The following ANK3 variants were observed in gnomAD, a reference collection of about 807,000 sequenced individuals.
ANK3 encodes ankyrin 3.
A neutral mutation model predicts 370.9 loss-of-function variants in ANK3; 57 were observed. The observed-to-expected ratio is 0.15, with a 90% confidence interval of 0.12 to 0.19. The LOEUF is 0.19. ANK3 is among the 10% of genes least tolerant of loss of function. ANK3 has a pLI of 1.00. For missense variants in ANK3, 4,439 were observed against 5,302.1 expected (o/e 0.84, Z 5.06); for synonymous variants, 1,929 against 1,946.3 (o/e 0.99, Z 0.23).
Position 60,074,634 on chromosome 10 carries a change from G to A in ANK3, c.6247C>T (p.Pro2083Ser). The A allele has an allele frequency of 6.2e-7, 1 of 1,613,956 alleles. No individual in the cohort carries two copies. The highest frequency in any genetic ancestry group is 8.5e-7 in the Non-Finnish European group (1 of 1,179,976). ...GAGGTGGAAGTCCTCATGGAGGCTG[G>A]AGGCATTTTGAGTTTGTGTTCCTGC... ...ALQEHKLKMPPASMRTSTSEK... is the reference protein window; with the variant it reads ...ALQEHKLKMPSASMRTSTSEK... The change falls in exon 37 of 44, where the codon CCA becomes TCA. Residue 2083 changes from proline to serine, a missense_variant. Pro to Ser is a moderately conservative substitution (Grantham distance 74). Transcript: ENST00000280772.
At chr10:60,431,934 A>G (rs984750613) in intron 2 of ANK3, among the ~76,000 whole-genome samples, 9 of 152,142 alleles carry the variant, frequency 5.9e-5, no homozygotes, top group Non-Finnish European at 1.0e-4. Flanking sequence ...CCTGTTTTCC[A>G]TGCCACCTGG....
chr10:60,657,101 T>A (rs1245414842), intron 1 of ANK3, among the ~76,000 whole-genome samples: 1 of 152,152 alleles, frequency 6.6e-6, no homozygotes, highest in Non-Finnish European at 1.5e-5. Context: ...GAGGAGCAAG[T>A]CACATCTTAT....
At chr10:60,115,865 G>A (rs2093043786) in intron 25 of ANK3, among the ~76,000 whole-genome samples, 1 of 152,142 alleles carries the variant, frequency 6.6e-6, no homozygotes, top group Non-Finnish European at 1.5e-5. Flanking sequence ...AGTAGAAGCT[G>A]TATTTGAAAA....
chr10:60,312,792 A>G (rs2046626511), intron 1 of ANK3, among the ~76,000 whole-genome samples: 1 of 152,222 alleles, frequency 6.6e-6, no homozygotes, highest in African/African-American at 2.4e-5. Context: ...CAAAAATCAG[A>G]TGTTTTAAGC....
Position 60,139,083 on chromosome 10 carries a change from T to C in ANK3, c.2619A>G (p.Glu873=), listed in dbSNP as rs771906161. ...GEYISDVEEG[E]DAMTGDTDKY... The stretch of plus-strand genomic sequence containing the variant: ...TGTCTGTGTCCCCGGTCATTGCATC[T>C]TCACCTGCAGATGTAGAGAGTAAGC... The change falls in exon 24 of 44, where the codon GAA becomes GAG. Residue 873 remains glutamate, a synonymous_variant. Transcript: ENST00000280772. 17 of 1,613,344 alleles carry C rather than the reference T, an allele frequency of 1.1e-5. No individual in the cohort carries two copies. The highest frequency in any genetic ancestry group is 3.3e-4 in the Middle Eastern group (2 of 6,068).
At position 60,054,679 on chromosome 10, in the gene ANK3, C is replaced by T. The variant is rs527701354; in HGVS notation, c.13065+979G>A. On this transcript the variant is annotated intron_variant, in intron 42 of 43. Coordinates refer to ENST00000280772, the MANE Select transcript of ANK3 (RefSeq NM_020987.5). ...AGCGATTGAGTTTGCTAAAAGTCTT[C>T]CTAAACCTCAAATCAATCTTGAACT... Among the ~76,000 whole-genome samples, 57 of 152,294 alleles carry T rather than the reference C, an allele frequency of 3.7e-4. 2 individuals carry two copies. In the South Asian group the frequency reaches 0.011, roughly 29 times the overall value.
At position 60,137,138 on chromosome 10, in the gene ANK3, C is replaced by A. The variant is rs147761314; in HGVS notation, c.2738+1826G>T. Among the ~76,000 whole-genome samples the A allele has an allele frequency of 7.7e-3, 1,164 of 151,864 alleles. 16 individuals carry two copies. Among genetic ancestry groups the A allele is most frequent in the African/African-American group, 0.024 (988 of 41,408 alleles). ...TTCCTTAAGTATCTGGTAAATTTTG[C>A]GTAAGTAATATTTATTATATACTTT... On this transcript the variant is annotated intron_variant, in intron 24 of 43. Transcript: ENST00000280772.
chr10:60,152,297 C>G (rs1010609788), intron 23 of ANK3, among the ~76,000 whole-genome samples: 7 of 152,190 alleles, frequency 4.6e-5, no homozygotes, highest in African/African-American at 1.7e-4. Context: ...ATTAGTATCA[C>G]ACAATCAGGC....
intron 1 of ANK3, among the ~76,000 whole-genome samples, chr10:60,285,312 C>T (rs1016823429): frequency 6.6e-6 from 1 of 152,128 alleles, no homozygotes; most frequent in Non-Finnish European, 1.5e-5. Flanking sequence ...AAATATCAAA[C>T]ATTTTGAAAG....
At chr10:60,613,932 G>A (rs1354274288) in intron 2 of ANK3, among the ~76,000 whole-genome samples, 1 of 152,098 alleles carries the variant, frequency 6.6e-6, no homozygotes, top group East Asian at 1.9e-4. Flanking sequence ...AAATTAGTTG[G>A]GCATGGTGGT....
chr10:60,044,798 T>C (rs1289747825), intron 42 of ANK3: 1 of 152,224 alleles, frequency 6.6e-6, no homozygotes, highest in Non-Finnish European at 1.5e-5. Flanking sequence ...TTGGGCATGA[T>C]ATTTATCACT....
intron 1 of ANK3, among the ~76,000 whole-genome samples, chr10:60,380,909 C>T (rs1459103246): frequency 3.3e-5 from 5 of 152,148 alleles, no homozygotes. Flanking sequence ...TTTAGAGGCT[C>T]TTGCAAGTAG....
Position 60,469,071 on chromosome 10 carries a change from A to ATATATATATATATATATACCACTTTTAG in ANK3, c.96+146114_96+146115insCTAAAAGTGGTATATATATATATATATA, listed in dbSNP as rs1567066438. Among the ~76,000 whole-genome samples, 17 of 3,410 alleles carry ATATATATATATATATATACCACTTTTAG rather than the reference A, an allele frequency of 5.0e-3. 2 individuals carry two copies. Among genetic ancestry groups the ATATATATATATATATATACCACTTTTAG allele is most frequent in the African/African-American group, 7.2e-3 (17 of 2,352 alleles). The allele number at this position is 3,410 out of a possible 152,430, so 2.2% of individuals were successfully genotyped here. ...TATATATATACCACTTTTAGTATAT[A>ATATATATATATATATATACCACTTTTAG]TATATATATATATATATATATATAC... On this transcript the variant is annotated intron_variant, in intron 2 of 43. Coordinates refer to the ANK3 transcript ENST00000373827.
Position 60,395,550 on chromosome 10 carries a change from C to CTTTCTT in ANK3, c.97-115912_97-115911insAAGAAA, listed in dbSNP as rs1567004087. ...AACACTTAGCAATCAACTACTATGC[C>CTTTCTT]TCTTTCTTTCTTTCTTTCTTTCTTT... is the stretch of plus-strand genomic sequence containing the variant. On this transcript the variant is annotated intron_variant, in intron 2 of 43. Transcript: ENST00000373827. Among the ~76,000 whole-genome samples the CTTTCTT allele has an allele frequency of 3.6e-3, 390 of 108,350 alleles. 7 individuals are homozygous for CTTTCTT. Among genetic ancestry groups the CTTTCTT allele is most frequent in the African/African-American group, 6.5e-3 (191 of 29,190 alleles). 71.1% of individuals were successfully genotyped at this position (108,350 alleles called of 152,430 possible). A position where few individuals can be genotyped will look rare whatever the true frequency, so the allele number is the denominator to read the frequency against.
At chr10:60,681,537 GTA>G (rs1487109784) in intron 1 of ANK3, among the ~76,000 whole-genome samples, 2 of 152,136 alleles carry the variant, frequency 1.3e-5, no homozygotes, top group African/African-American at 2.4e-5. Flanking sequence ...CATTCTCAAT[GTA>G]TAGTTCCCAG....
At chr10:60,293,295 C>A (rs1026412302) in intron 1 of ANK3, among the ~76,000 whole-genome samples, 1 of 152,134 alleles carries the variant, frequency 6.6e-6, no homozygotes, top group Non-Finnish European at 1.5e-5. Context: ...TACATACATA[C>A]CCTCGGCTCA....
At chr10:60,430,103 A>G (rs767727703) in intron 2 of ANK3, among the ~76,000 whole-genome samples, 1 of 152,256 alleles carries the variant, frequency 6.6e-6, no homozygotes, top group African/African-American at 2.4e-5. Flanking sequence ...ATCAAAAAAT[A>G]TAATGATCAT....
Position 60,075,724 on chromosome 10 carries a change from A to C in ANK3, c.5157T>G (p.Ser1719=). ...ATGATGGATATTTTAGAGGGGAAAT[A>C]GATCCATTGACTAATGCTACCTCTG... The part of the protein sequence containing the change: ...GHAEVALVNG[S]ISPLKYPSSS... Residue 1719 remains serine (S), a synonymous_variant, in exon 37 of 44, where the codon TCT becomes TCG. Coordinates refer to ENST00000280772, the MANE Select transcript of ANK3 (RefSeq NM_020987.5). The C allele has an allele frequency of 6.2e-7, 1 of 1,614,182 alleles. No homozygotes were observed. Among genetic ancestry groups the C allele is most frequent in the Non-Finnish European group, 8.5e-7 (1 of 1,180,008 alleles).
intron 23 of ANK3, among the ~76,000 whole-genome samples, chr10:60,157,077 G>A (rs2095353153): frequency 1.4e-5 from 2 of 144,372 alleles, no homozygotes; most frequent in Non-Finnish European, 3.0e-5. Context: ...CACTCTTGTT[G>A]CCCAGGCTGG....
Sources: gnomAD v4.1 joint callset for allele counts (sites outside exome capture counted in the v4.1 genomes callset) on GRCh38, gnomAD v4.1.1 for gene constraint, MANE v1.5 for transcripts, NCBI Gene and HGNC (gene_info 2026-07-23, HGNC 2026-07-21) for gene names.